Variants in IL1RAPL1 observed in about 807,000 individuals in gnomAD.
IL1RAPL1 encodes interleukin 1 receptor accessory protein like 1.
A neutral mutation model predicts 48.4 loss-of-function variants in IL1RAPL1; 3 were observed. The ratio of observed to expected loss-of-function variants is 0.06; its 90% confidence interval spans 0.03 to 0.16. The LOEUF (loss-of-function observed/expected upper bound fraction) is 0.16, where lower values mean the gene tolerates loss of function less well. Among genes scored for constraint, IL1RAPL1 ranks in the 10% least tolerant of loss-of-function variants. IL1RAPL1 has a pLI of 1.00. For synonymous variants in IL1RAPL1, 185 were observed against 187.7 expected, an observed-to-expected ratio of 0.99 and a Z score of 0.12; for missense variants, 349 against 530.6, an observed-to-expected ratio of 0.66 and a Z score of 3.36.
At chrX:28,862,278 C>T (rs993403899) in intron 2 of IL1RAPL1, among the ~76,000 whole-genome samples, 13 of 111,692 alleles carry the variant, frequency 1.2e-4, no homozygotes, top group Middle Eastern at 4.2e-3. Context: ...TCATTGTTAG[C>T]AACATTTGTG....
intron 3 of IL1RAPL1, among the ~76,000 whole-genome samples, chrX:29,388,807 G>T (rs754818156): frequency 8.9e-5 from 10 of 111,827 alleles, no homozygotes; most frequent in Non-Finnish European, 1.3e-4. Flanking sequence ...TTGCTAATGG[G>T]TACTAGCTTT....
At chrX:28,861,683 C>G (rs1327497214) in intron 2 of IL1RAPL1, among the ~76,000 whole-genome samples, 1 of 111,047 alleles carries the variant, frequency 9.0e-6, no homozygotes, top group Non-Finnish European at 1.9e-5. Context: ...GAGGGTTGAC[C>G]CCATTACTTT....
At chrX:28,901,345 T>C (rs185866396) in intron 2 of IL1RAPL1, among the ~76,000 whole-genome samples, 1 of 112,466 alleles carries the variant, frequency 8.9e-6, no homozygotes, top group African/African-American at 3.2e-5. Flanking sequence ...GGAAGCATCA[T>C]GCCATTTGAA....
At chrX:29,101,092 A>G (rs1046670576) in intron 2 of IL1RAPL1, among the ~76,000 whole-genome samples, 1 of 111,959 alleles carries the variant, frequency 8.9e-6, no homozygotes, top group African/African-American at 3.2e-5. Context: ...AATAAATAAA[A>G]TTAACAAACC....
At chrX:29,425,864 C>T (rs958772929) in intron 5 of IL1RAPL1, among the ~76,000 whole-genome samples, 2 of 111,338 alleles carry the variant, frequency 1.8e-5, no homozygotes, top group Non-Finnish European at 3.8e-5. Context: ...CATGAACCAC[C>T]GTGCCTGGCC....
At chrX:29,144,861 G>A (rs182008271) in intron 2 of IL1RAPL1, among the ~76,000 whole-genome samples, 462 of 106,534 alleles carry the variant, frequency 4.3e-3, no homozygotes, top group Non-Finnish European at 6.7e-3. Flanking sequence ...TGAGGAGCTG[G>A]GATTACAGGC....
intron 2 of IL1RAPL1, among the ~76,000 whole-genome samples, chrX:28,897,527 G>A (rs1371202473): frequency 8.9e-6 from 1 of 111,774 alleles, no homozygotes; most frequent in African/African-American, 3.3e-5. Flanking sequence ...TAGTGAGAGA[G>A]GTTGGAGAAG....
intron 2 of IL1RAPL1, among the ~76,000 whole-genome samples, chrX:28,888,252 G>A (rs909621462): frequency 4.0e-5 from 4 of 100,593 alleles, no homozygotes; most frequent in Non-Finnish European, 7.9e-5. Flanking sequence ...AATAGGCCAC[G>A]TACTGGTAAA....
intron 1 of IL1RAPL1, among the ~76,000 whole-genome samples, chrX:28,603,860 G>A (rs923759053): frequency 8.0e-5 from 9 of 112,469 alleles, no homozygotes; most frequent in Non-Finnish European, 1.3e-4. Flanking sequence ...TAAAGTTAGC[G>A]TTTATTCCAT....
intron 2 of IL1RAPL1, among the ~76,000 whole-genome samples, chrX:29,222,798 C>G (rs1373550927): frequency 6.3e-5 from 7 of 111,402 alleles, no homozygotes; most frequent in African/African-American, 2.3e-4. Flanking sequence ...ATTTGGTCAT[C>G]ATATGCAGGG....
At chrX:29,891,024 G>A (rs184422642) in intron 6 of IL1RAPL1, among the ~76,000 whole-genome samples, 25 of 111,573 alleles carry the variant, frequency 2.2e-4, no homozygotes, top group Non-Finnish European at 4.3e-4. Flanking sequence ...ACTAATACAC[G>A]GCAAGGCTTG....
chrX:28,818,062 C>A (rs1360570240), intron 2 of IL1RAPL1, among the ~76,000 whole-genome samples: 1 of 111,056 alleles, frequency 9.0e-6, no homozygotes. Flanking sequence ...AATTACAAAT[C>A]AAATGTTAGA....
At chrX:29,333,362 G>A (rs1239681849) in intron 3 of IL1RAPL1, among the ~76,000 whole-genome samples, 4 of 104,324 alleles carry the variant, frequency 3.8e-5, no homozygotes, top group African/African-American at 1.4e-4. Context: ...GCCGGGCAGA[G>A]GCGCCCCTCA....
chrX:28,615,591 C>T (rs1225930746), intron 1 of IL1RAPL1, among the ~76,000 whole-genome samples: 2 of 110,804 alleles, frequency 1.8e-5, no homozygotes, highest in East Asian at 5.7e-4. Flanking sequence ...GCTGAGTTTC[C>T]CTGTGAAGCC....
intron 2 of IL1RAPL1, among the ~76,000 whole-genome samples, chrX:29,188,689 C>T (rs1322487181): frequency 3.8e-5 from 4 of 105,078 alleles, no homozygotes; most frequent in South Asian, 4.3e-4. Context: ...TGGGTTCAAG[C>T]GATTCTCCTG....
chrX:29,806,844 G>C (rs1312256465), intron 6 of IL1RAPL1, among the ~76,000 whole-genome samples: 3 of 110,973 alleles, frequency 2.7e-5, no homozygotes, highest in African/African-American at 9.8e-5. Context: ...ACTGGTGGGA[G>C]GTGATTGGAT....
At chrX:28,723,086 A>G (rs1007469548) in intron 1 of IL1RAPL1, among the ~76,000 whole-genome samples, 25 of 111,497 alleles carry the variant, frequency 2.2e-4, no homozygotes, top group Admixed American at 1.1e-3. Context: ...CGGCTTTGGT[A>G]TCAGGATGAT....
chrX:29,275,707 G>A (rs1217499561), intron 2 of IL1RAPL1, among the ~76,000 whole-genome samples: 1 of 111,834 alleles, frequency 8.9e-6, no homozygotes, highest in Non-Finnish European at 1.9e-5. Context: ...CGTTTTTCTT[G>A]TGCTATACAT....
rs143938844 is a variant in IL1RAPL1, at chrX:29,877,818, T to A, written c.779-39646T>A. On this transcript the variant is annotated intron_variant, in intron 6 of 10. Coordinates refer to ENST00000378993, the MANE Select transcript of IL1RAPL1 (RefSeq NM_014271.4). The stretch of plus-strand genomic sequence containing the variant: ...CTGTTTTAATAATTTTTGAAAGCAT[T>A]CCCATGCTTTAGAATTTTGGTTTAA... Among the ~76,000 whole-genome samples, 1,062 of 111,691 alleles carry A rather than the reference T, an allele frequency of 9.5e-3. 15 individuals carry two copies. Among genetic ancestry groups the A allele is most frequent in the African/African-American group, 0.033 (1,015 of 30,790 alleles).
Sources: gnomAD v4.1 joint callset for allele counts (sites outside exome capture counted in the v4.1 genomes callset) on GRCh38, gnomAD v4.1.1 for gene constraint, MANE v1.5 for transcripts, NCBI Gene and HGNC (gene_info 2026-07-23, HGNC 2026-07-21) for gene names.